TCOF1: variants seen among roughly 807,000 people sequenced by gnomAD.
TCOF1 encodes the protein treacle protein.
A neutral mutation model predicts 149.0 loss-of-function variants in TCOF1; 33 were observed. That is an observed-to-expected ratio of 0.22 (90% CI 0.17 to 0.30). The LOEUF (loss-of-function observed/expected upper bound fraction) is 0.30, where lower values mean the gene tolerates loss of function less well. TCOF1 is among the 10% of genes least tolerant of loss of function. TCOF1 has a pLI of 1.00. For synonymous variants in TCOF1, 789 were observed against 738.8 expected (o/e 1.07, Z -1.10); for missense variants, 1,728 against 1,840.7 (o/e 0.94, Z 1.12).
At chr5:150,367,659 C>A in intron 3 of TCOF1, 185 bp from the exon 4 acceptor site, 2 of 666,916 alleles carry the variant, frequency 3.0e-6, no homozygotes, top group South Asian at 3.3e-5. Flanking sequence ...TTCTCTCTTG[C>A]TCCTGGTGGA....
At chr5:150,361,791 G>T (rs1760160408) in intron 2 of TCOF1, among the ~76,000 whole-genome samples, 2 of 152,180 alleles carry the variant, frequency 1.3e-5, no homozygotes, top group South Asian at 4.1e-4. Flanking sequence ...AGAGTGGCAG[G>T]TGGAGTGTAC....
At chr5:150,384,177 C>T (rs1206468966) in intron 17 of TCOF1, 2 of 1,028,318 alleles carry the variant, frequency 1.9e-6, no homozygotes, top group Non-Finnish European at 2.3e-6. Flanking sequence ...TGTTTGCACA[C>T]CTCCAGCAAT....
At chr5:150,360,871 G>A (rs1373025908) in intron 1 of TCOF1, among the ~76,000 whole-genome samples, 1 of 151,694 alleles carries the variant, frequency 6.6e-6, no homozygotes. Flanking sequence ...TGAGTAGCCG[G>A]GACCACCAGT....
At chr5:150,379,181 G>A in intron 15 of TCOF1, 48 bp from the exon 16 acceptor site, 1 of 1,614,082 alleles carries the variant, frequency 6.2e-7, no homozygotes, top group Non-Finnish European at 8.5e-7. Context: ...AGTGGGACCT[G>A]AAAGGAATCA....
At position 150,374,276 on chromosome 5, in the gene TCOF1, G is replaced by T; in HGVS notation, c.973G>T (p.Ala325Ser). 1 of 1,594,656 alleles carries T rather than the reference G, an allele frequency of 6.3e-7. No individual in the cohort carries two copies. Among genetic ancestry groups the T allele is most frequent in the Non-Finnish European group, 8.5e-7 (1 of 1,170,184 alleles). ...CCCAGCACCCCCTGGGAAGGCAGGG[G>T]CTGTAGCCTCCCAGACCAAGGCAGG... ...ATPAPPGKAG[A>S]VASQTKAGKP... is the part of the protein sequence containing the mutation. The change falls in exon 8 of 27, where the codon GCT becomes TCT. Residue 325 changes from alanine to serine, a missense_variant. By Grantham distance (99) the Ala-to-Ser change is moderately conservative. Around this residue, in one of 2 missense-constraint regions of TCOF1, gnomAD observed 1,696 missense variants for 1,765.4 expected, o/e 0.96. Coordinates refer to ENST00000643257, the MANE Select transcript of TCOF1 (RefSeq NM_001371623.1).
rs55947648 is a variant in TCOF1 at position 150,368,630 on chromosome 5, G to C, written c.379-86G>C. 2.3e-3 allele frequency: 3,486 copies of C among 1,491,582 alleles called. 9 individuals carry two copies. Among genetic ancestry groups the C allele is most frequent in the Non-Finnish European group, 2.9e-3 (3,127 of 1,069,826 alleles). 92.4% of individuals were successfully genotyped at this position (1,491,582 alleles called of 1,614,324 possible). Reference sequence around the variant, plus strand: ...ACCCAAACTCACACAGCTAAGAAGTGGTAAGATTGGGTTCAGATGCAAGTG... The same window carrying C: ...ACCCAAACTCACACAGCTAAGAAGTCGTAAGATTGGGTTCAGATGCAAGTG... On this transcript the variant is annotated intron_variant, in intron 4 of 26. Transcript: ENST00000643257.
Position 150,374,751 on chromosome 5 carries a change from G to A in TCOF1, c.1218G>A (p.Arg406=), listed in dbSNP as rs1159296467. ...TTGCCAAGGCCCAGGCGGGGAAGCG[G>A]GAGGAGGACTCGCAGAGCAGCAGCG... ...PAVAKAQAGK[R]EEDSQSSSEE... Residue 406 remains arginine (R), a synonymous_variant, in exon 9 of 27, where the codon CGG becomes CGA. Transcript: ENST00000643257. The A allele has an allele frequency of 2.5e-6, 4 of 1,612,684 alleles. No homozygotes were observed. The Admixed American group carries it at 6.7e-5, about 27-fold the overall frequency.
intron 17 of TCOF1, among the ~76,000 whole-genome samples, chr5:150,386,136 G>C (rs971277199): frequency 1.3e-5 from 2 of 152,036 alleles, no homozygotes; most frequent in South Asian, 2.1e-4. Context: ...CTAATGCCCC[G>C]CCCCAACCCC....
intron 1 of TCOF1, among the ~76,000 whole-genome samples, chr5:150,360,732 C>CTTT (rs869238792): frequency 7.1e-5 from 9 of 127,380 alleles, no homozygotes; most frequent in Admixed American, 1.6e-4. Flanking sequence ...AAAAGACCCT[C>CTTT]TTTTTTTTTT....
In TCOF1 at chr5:150,393,457, C is replaced by A; in HGVS notation, c.3689C>A (p.Pro1230His). Residue 1230 changes from proline (P) to histidine (H), a missense_variant, in exon 23 of 27, where the codon CCC becomes CAC. Physicochemically the swap from Pro to His is moderately conservative, Grantham distance 77. Around this residue, in one of 2 missense-constraint regions of TCOF1, gnomAD observed 1,696 missense variants for 1,765.4 expected, o/e 0.96. Coordinates refer to ENST00000643257, the MANE Select transcript of TCOF1 (RefSeq NM_001371623.1). Reference protein sequence around the residue: ...SKATPKLDSSPSVSSTLAAKD... With the variant: ...SKATPKLDSSHSVSSTLAAKD... ...GCCACTCCCAAGCTAGACTCCAGCC[C>A]CTCAGTTTCCTCTACTCTGGCCGCC... 1 of 1,614,166 alleles carries A rather than the reference C, an allele frequency of 6.2e-7. No homozygotes were observed. Among genetic ancestry groups the A allele is most frequent in the African/African-American group, 1.3e-5 (1 of 75,024 alleles).
chr5:150,375,113 G>T lies in TCOF1; in HGVS notation c.1438G>T (p.Glu480Ter). The change falls in exon 10 of 27, where the codon GAG (glutamate) becomes TAG (stop). Residue 480 changes from glutamate to a stop codon, truncating the protein, a stop_gained. Transcript: ENST00000643257. LOFTEE classifies it high-confidence loss of function. ...GGAGGAGGACTCAAGAAGCAGCAGC[G>T]AGGAGTCAGACAGTGACAGAGAGGC... The part of the protein sequence containing the change: ...KQEEDSRSSS[E>*]ESDSDREALA... The T allele has an allele frequency of 6.2e-7, 1 of 1,614,090 alleles. No homozygotes were observed. The highest frequency in any genetic ancestry group is 8.5e-7 in the Non-Finnish European group (1 of 1,180,006).
chr5:150,396,871 C>T, intron 24 of TCOF1, 29 bp downstream of exon 24: 2 of 1,569,280 alleles, frequency 1.3e-6, no homozygotes, highest in Non-Finnish European at 1.7e-6. Context: ...CAGCCCACCC[C>T]AAGGGCTGCT....
chr5:150,396,173 C>A, intron 23 of TCOF1, 109 bp from the exon 24 acceptor site: 1 of 1,261,260 alleles, frequency 7.9e-7, no homozygotes, highest in Non-Finnish European at 1.2e-6. Context: ...CCATCTGTGC[C>A]ATTGTAAGAA....
chr5:150,360,535 C>T (rs1378804582), intron 1 of TCOF1, among the ~76,000 whole-genome samples: 1 of 152,180 alleles, frequency 6.6e-6, no homozygotes, highest in African/African-American at 2.4e-5. Flanking sequence ...AACCCTGTCT[C>T]ATGGCCTCTA....
chr5:150,363,972 C>A (rs568346227), intron 2 of TCOF1, 141 bp from the exon 3 acceptor site: 16 of 1,216,548 alleles, frequency 1.3e-5, no homozygotes, highest in Admixed American at 1.9e-5. Context: ...AAAATTGTGC[C>A]TATACTGTGT....
chr5:150,396,350 C>T lies in TCOF1; in HGVS notation c.3853C>T (p.Pro1285Ser). 6.2e-7 allele frequency: 1 copy of T among 1,613,954 alleles called. No individual in the cohort carries two copies. ...SRKPKKGAGN[P>S]QASTLALQSN... ...GAAGCCCAAGAAAGGGGCTGGGAACCCCCAAGCCTCAACCCTGGCGCTGCA... is the reference window on the plus strand; with the variant it reads ...GAAGCCCAAGAAAGGGGCTGGGAACTCCCAAGCCTCAACCCTGGCGCTGCA... The change falls in exon 24 of 27, where the codon CCC becomes TCC. Residue 1285 changes from proline (P) to serine (S), a missense_variant. Around this residue, in one of 2 missense-constraint regions of TCOF1, gnomAD observed 1,696 missense variants for 1,765.4 expected, o/e 0.96. Transcript: ENST00000643257.
intron 7 of TCOF1, among the ~76,000 whole-genome samples, chr5:150,373,088 A>T (rs1338967479): frequency 6.6e-6 from 1 of 150,862 alleles, no homozygotes; most frequent in Non-Finnish European, 1.5e-5. Context: ...ACAAATGTGA[A>T]TTTTTTTTTT....
chr5:150,399,573 C>T (rs1328444827), intron 26 of TCOF1, among the ~76,000 whole-genome samples: 1 of 152,124 alleles, frequency 6.6e-6, no homozygotes, highest in Non-Finnish European at 1.5e-5. Flanking sequence ...CCTGTGGTCA[C>T]CCAGCCTCCT....
chr5:150,365,282 C>T (rs1418062195), intron 3 of TCOF1, among the ~76,000 whole-genome samples: 1 of 135,098 alleles, frequency 7.4e-6, no homozygotes, highest in Non-Finnish European at 1.6e-5. Context: ...TTAATAGAGA[C>T]GGGGTTTCAC....
Sources: gnomAD v4.1 joint callset for allele counts (sites outside exome capture counted in the v4.1 genomes callset) on GRCh38, gnomAD v4.1.1 for gene constraint, gnomAD v4.1.1 regional missense constraint, MANE v1.5 for transcripts, NCBI Gene and HGNC (gene_info 2026-07-23, HGNC 2026-07-21) for gene names.